The following CAPN11 variants were observed in gnomAD, a reference collection of about 807,000 sequenced individuals.
The protein encoded by CAPN11 is calpain-11.
A neutral mutation model predicts 105.3 loss-of-function variants in CAPN11; 108 were observed. The observed-to-expected ratio is 1.03, with a 90% CI of 0.88 to 1.20. CAPN11 has a LOEUF of 1.20. Ranked by LOEUF, CAPN11 falls within the 50% of genes most tolerant of loss-of-function variation. The pLI, the probability that CAPN11 is intolerant of heterozygous loss-of-function variation, is 0.00. For synonymous variants in CAPN11, 329 were observed against 344.5 expected, an observed-to-expected ratio of 0.96 and a Z score of 0.50; for missense variants, 883 against 924.8, an observed-to-expected ratio of 0.95 and a Z score of 0.59.
chr6:44,161,289 T>G (rs1455362372), intron 1 of CAPN11, among the ~76,000 whole-genome samples: 1 of 151,414 alleles, frequency 6.6e-6, no homozygotes, highest in East Asian at 1.9e-4. Flanking sequence ...AACCTCCACC[T>G]CCCGGGTTCA....
chr6:44,166,947 C>CGGGGG, intron 2 of CAPN11, 118 bp downstream of exon 2: 1 of 267,440 alleles, frequency 3.7e-6, no homozygotes, highest in African/African-American at 2.4e-5. Flanking sequence ...GTGGGGAGGG[C>CGGGGG]GGCGGGGGGA....
At position 44,179,618 on chromosome 6, in the gene CAPN11, G is replaced by A. The variant is rs190494423; in HGVS notation, c.1417-1G>A. The A allele has an allele frequency of 2.9e-4, 467 of 1,613,242 alleles. 2 individuals are homozygous for A. The African/African-American group carries it at 5.8e-3, about 20-fold the overall frequency. ...GACTCTCCTCTTTCTTCCCTTCCCA[G>A]GTCCCAAAAGAGGTACAGAAGATAA... is the stretch of plus-strand genomic sequence containing the variant. On this transcript the variant is annotated splice_acceptor_variant, in intron 12 of 22. Coordinates refer to ENST00000398776, the MANE Select transcript of CAPN11 (RefSeq NM_007058.4). LOFTEE classifies it high-confidence loss of function.
At position 44,162,426 on chromosome 6, in the gene CAPN11, G is replaced by A. The variant is rs191589494; in HGVS notation, c.16+3562G>A. On this transcript the variant is annotated intron_variant, in intron 1 of 22. Coordinates refer to ENST00000398776, the MANE Select transcript of CAPN11 (RefSeq NM_007058.4). Reference sequence around the variant, plus strand: ...ACACACACACCTGTAATCATAGCCCGAGGGGGTGAGGGAGCTTCCATTACC... The same window carrying A: ...ACACACACACCTGTAATCATAGCCCAAGGGGGTGAGGGAGCTTCCATTACC... Among the ~76,000 whole-genome samples the A allele has an allele frequency of 6.0e-5, 9 of 151,134 alleles. No homozygotes were observed. The East Asian group carries it at 7.7e-4, about 13-fold the overall frequency.
In CAPN11 at chr6:44,169,262, C is replaced by CT. The variant is rs754140835; in HGVS notation, c.89-10dup. The CT allele has an allele frequency of 5.1e-4, 786 of 1,544,230 alleles. No individual in the cohort carries two copies. The highest frequency in any genetic ancestry group is 9.2e-4 in the Admixed American group (49 of 53,236). ...TACATTTTTTACTTGCGTTATTTCT[C>CT]TTTTTTTTTCTTAAGCAGAGCCCAC... On this transcript the variant is annotated intron_variant, in intron 2 of 22. Transcript: ENST00000398776.
At chr6:44,173,410 C>T in intron 7 of CAPN11, 24 bp downstream of exon 7, 2 of 1,516,386 alleles carry the variant, frequency 1.3e-6, no homozygotes, top group Middle Eastern at 1.7e-4. Flanking sequence ...GGTCCCACCT[C>T]AGGGCCTTTG....
At chr6:44,163,624 G>T (rs1769301963) in intron 1 of CAPN11, among the ~76,000 whole-genome samples, 1 of 152,186 alleles carries the variant, frequency 6.6e-6, no homozygotes. Flanking sequence ...TTGTTGGGAT[G>T]ATTCAATCAG....
chr6:44,181,710 C>A lies in CAPN11; in HGVS notation c.1938+390C>A, dbSNP rs1227485589. Among the ~76,000 whole-genome samples, 8 of 33,502 alleles carry A rather than the reference C, an allele frequency of 2.4e-4. 2 individuals carry two copies. In the South Asian group the frequency reaches 3.9e-3, roughly 16 times the overall value. 22.0% of individuals were successfully genotyped at this position (33,502 alleles called of 152,430 possible). On this transcript the variant is annotated intron_variant, in intron 19 of 22. Transcript: ENST00000398776. ...GACACAACCACACCACACTCACACA[C>A]ACACACACTCACAGACACAACCACA...
chr6:44,170,866 T>TCC (rs985710591), intron 4 of CAPN11, among the ~76,000 whole-genome samples: 1 of 151,746 alleles, frequency 6.6e-6, no homozygotes, highest in African/African-American at 2.4e-5. Flanking sequence ...CTAAGTCTGG[T>TCC]CCCGTTCAAG....
Position 44,181,311 on chromosome 6 carries a change from G to T in CAPN11, c.1929G>T (p.Lys643Asn). 1.2e-6 allele frequency: 2 copies of T among 1,610,958 alleles called. No homozygotes were observed. Among genetic ancestry groups the T allele is most frequent in the Non-Finnish European group, 1.7e-6 (2 of 1,178,700 alleles). ...TCAAGATCCTGTGGAAAAAACTCAA[G>T]AAATGGATGGTAAAGGGCACTAAAG... ...LEFKILWKKL[K>N]KWMDIFRECD... Residue 643 changes from lysine to asparagine, a missense_variant, in exon 19 of 23, where the codon AAG (lysine) becomes AAT (asparagine). Lys to Asn is a moderately conservative substitution (Grantham distance 94, BLOSUM62 0). Transcript: ENST00000398776.
rs1554132530 is a variant in CAPN11 at position 44,182,306 on chromosome 6, C to CACACAT, written c.1939-630_1939-629insTACACA. Among the ~76,000 whole-genome samples, 350 of 66,666 alleles carry CACACAT rather than the reference C, an allele frequency of 5.3e-3. 19 individuals are homozygous for CACACAT. Among genetic ancestry groups the CACACAT allele is most frequent in the Admixed American group, 7.0e-3 (49 of 6,962 alleles). The allele number at this position is 66,666 out of a possible 152,430, so 43.7% of individuals were successfully genotyped here. ...CACACCACACACACACACACACACACACACACTCACATACAGACACAACCA... is the reference window on the plus strand; with the variant it reads ...CACACCACACACACACACACACACACACACATACACACTCACATACAGACACAACCA... On this transcript the variant is annotated intron_variant, in intron 19 of 22. Coordinates refer to ENST00000398776, the MANE Select transcript of CAPN11 (RefSeq NM_007058.4).
chr6:44,159,514 C>T (rs1286230191), intron 1 of CAPN11, among the ~76,000 whole-genome samples: 4 of 151,928 alleles, frequency 2.6e-5, no homozygotes, highest in African/African-American at 9.7e-5. Context: ...CCTGGGGCAC[C>T]GTGAGACCAT....
intron 4 of CAPN11, among the ~76,000 whole-genome samples, chr6:44,170,603 C>A (rs1366380766): frequency 6.6e-6 from 1 of 152,148 alleles, no homozygotes; most frequent in Non-Finnish European, 1.5e-5. Context: ...CTTTTCTGAC[C>A]TAGTCTCAGG....
chr6:44,168,051 G>A (rs1009765853), intron 2 of CAPN11, among the ~76,000 whole-genome samples: 1 of 149,998 alleles, frequency 6.7e-6, no homozygotes, highest in African/African-American at 2.5e-5. Context: ...CCAAAAAACA[G>A]AGTGTATAAT....
intron 1 of CAPN11, among the ~76,000 whole-genome samples, chr6:44,165,077 C>T (rs1301567640): frequency 2.0e-5 from 3 of 151,924 alleles, no homozygotes; most frequent in South Asian, 2.1e-4. Flanking sequence ...TTAGTAGACA[C>T]GAGGTTTCAC....
chr6:44,179,802 G>C, intron 13 of CAPN11, 150 bp from the exon 14 acceptor site: 1 of 887,912 alleles, frequency 1.1e-6, no homozygotes, highest in South Asian at 1.5e-5. Flanking sequence ...GACCCTGTTG[G>C]AGTTGCGGGC....
chr6:44,176,000 G>T, intron 7 of CAPN11, 68 bp from the exon 8 acceptor site: 1 of 986,088 alleles, frequency 1.0e-6, no homozygotes, highest in East Asian at 2.5e-5. Flanking sequence ...CCCTTCCTTT[G>T]GGTGCCCAGT....
At chr6:44,176,512 TC>T in intron 9 of CAPN11, 68 bp from the exon 10 acceptor site, 2 of 1,450,992 alleles carry the variant, frequency 1.4e-6, no homozygotes, top group Non-Finnish European at 9.7e-7. Flanking sequence ...GAAGAGGCAG[TC>T]CCCTGGAGAG....
At position 44,172,974 on chromosome 6, in the gene CAPN11, T is replaced by G. The variant is rs201086941; in HGVS notation, c.563T>G (p.Val188Gly). 8.2e-5 allele frequency: 132 copies of G among 1,613,154 alleles called. No homozygotes were observed. Among genetic ancestry groups the G allele is most frequent in the Non-Finnish European group, 1.1e-4 (127 of 1,179,586 alleles). Reference protein sequence around the residue: ...WQFGQWVNVVVDDRLPTKNDK... With the variant: ...WQFGQWVNVVGDDRLPTKNDK... Reference sequence around the variant, plus strand: ...TTTGGACAGTGGGTGAACGTGGTGGTAGATGACCGGCTGCCCACAAAGAAT... The same window carrying G: ...TTTGGACAGTGGGTGAACGTGGTGGGAGATGACCGGCTGCCCACAAAGAAT... The change falls in exon 6 of 23, where the codon GTA becomes GGA. Residue 188 changes from valine (V) to glycine (G), a missense_variant. Physicochemically the swap from Val to Gly is moderately radical, Grantham distance 109. Transcript: ENST00000398776.
intron 19 of CAPN11, among the ~76,000 whole-genome samples, 182 bp downstream of exon 19, chr6:44,181,502 A>G (rs1773284364): frequency 6.9e-6 from 1 of 145,896 alleles, no homozygotes; most frequent in Non-Finnish European, 1.5e-5. Flanking sequence ...ACACACACAC[A>G]CACACACTCA....
Sources: gnomAD v4.1 joint callset for allele counts (sites outside exome capture counted in the v4.1 genomes callset) on GRCh38, gnomAD v4.1.1 for gene constraint, MANE v1.5 for transcripts, NCBI Gene and HGNC (gene_info 2026-07-23, HGNC 2026-07-21) for gene names.